Variants in C6orf89 observed in about 807,000 individuals in gnomAD.
The protein encoded by C6orf89 is chromosome 6 open reading frame 89.
A neutral mutation model predicts 40.7 loss-of-function variants in C6orf89; 29 were observed. That is an observed-to-expected ratio of 0.71 (90% CI 0.53 to 0.97). The LOEUF (loss-of-function observed/expected upper bound fraction) is 0.97, where lower values mean the gene tolerates loss of function less well. C6orf89 is among the 50% of genes least tolerant of loss of function. The probability of loss-of-function intolerance (pLI) is 0.00; values close to 1 mark genes in which losing one functional copy is unlikely to be tolerated. For synonymous variants in C6orf89, 165 were observed against 152.2 expected, an observed-to-expected ratio of 1.08 and a Z score of -0.62; for missense variants, 392 against 429.1, an observed-to-expected ratio of 0.91 and a Z score of 0.76.
At chr6:36,872,244 TA>T (rs1261813072) in intron 1 of C6orf89, among the ~76,000 whole-genome samples, 6 of 152,162 alleles carry the variant, frequency 3.9e-5, no homozygotes, top group African/African-American at 1.2e-4. Flanking sequence ...TTTAATTTTT[TA>T]AAAAAAGAGA....
intron 4 of C6orf89, among the ~76,000 whole-genome samples, chr6:36,906,660 C>T (rs912040200): frequency 6.6e-6 from 1 of 152,198 alleles, no homozygotes; most frequent in African/African-American, 2.4e-5. Context: ...TTCTTGGGCT[C>T]TTTCCCTCTA....
chr6:36,921,447 C>T (rs1375654545), intron 8 of C6orf89, among the ~76,000 whole-genome samples: 1 of 152,056 alleles, frequency 6.6e-6, no homozygotes, highest in East Asian at 1.9e-4. Flanking sequence ...GTACATTTTC[C>T]TGTGGAGATG....
Position 36,915,188 on chromosome 6 carries a change from G to A in C6orf89, c.695+495G>A, listed in dbSNP as rs182050925. Among the ~76,000 whole-genome samples, 245 of 152,296 alleles carry A rather than the reference G, an allele frequency of 1.6e-3. 1 individual carries two copies. The highest frequency in any genetic ancestry group is 5.6e-3 in the African/African-American group (233 of 41,552). ...ATGAAGAGGTGTGTCAGAAGGAGGGGTGCCACCATGGGGGGGACAGCAAGT... is the reference window on the plus strand; with the variant it reads ...ATGAAGAGGTGTGTCAGAAGGAGGGATGCCACCATGGGGGGGACAGCAAGT... On this transcript the variant is annotated intron_variant, in intron 6 of 8. Transcript: ENST00000480824.
At chr6:36,906,191 C>A (rs1379636501) in intron 4 of C6orf89, among the ~76,000 whole-genome samples, 1 of 152,202 alleles carries the variant, frequency 6.6e-6, no homozygotes, top group Non-Finnish European at 1.5e-5. Context: ...AATAGCAAAT[C>A]ATTTATTGGC....
At chr6:36,915,280 T>C (rs1762275176) in intron 6 of C6orf89, among the ~76,000 whole-genome samples, 1 of 152,198 alleles carries the variant, frequency 6.6e-6, no homozygotes, top group South Asian at 2.1e-4. Flanking sequence ...TGGGGCCTCA[T>C]GCAGGGGGCT....
intron 2 of C6orf89, among the ~76,000 whole-genome samples, chr6:36,894,905 A>C (rs1390598425): frequency 6.6e-6 from 1 of 152,186 alleles, no homozygotes; most frequent in East Asian, 1.9e-4. Flanking sequence ...CGAGACTCTA[A>C]AATTTGTAGT....
chr6:36,872,205 A>C (rs1210771624), intron 1 of C6orf89, among the ~76,000 whole-genome samples: 2 of 151,992 alleles, frequency 1.3e-5, no homozygotes, highest in Non-Finnish European at 1.5e-5. Context: ...CCAACCCCTA[A>C]ATTAGGAAAA....
intron 4 of C6orf89, among the ~76,000 whole-genome samples, chr6:36,906,792 A>G (rs923304456): frequency 1.3e-5 from 2 of 152,262 alleles, no homozygotes; most frequent in East Asian, 3.8e-4. Flanking sequence ...TGCTATGCAC[A>G]AACAAGCTTC....
At chr6:36,923,231 C>A in intron 8 of C6orf89, 116 bp from the exon 9 acceptor site, 1 of 661,090 alleles carries the variant, frequency 1.5e-6, no homozygotes. Context: ...AAAGATTTGT[C>A]TTTGACTCTG....
upstream of C6orf89, among the ~76,000 whole-genome samples, chr6:36,882,713 C>CTTTT (rs1168220528): frequency 7.1e-4 from 82 of 115,410 alleles, no homozygotes; most frequent in East Asian, 0.011. Context: ...TTGTCATTTT[C>CTTTT]TTTTTTTTTT....
chr6:36,887,118 T>G (rs1219542715), intron 1 of C6orf89, among the ~76,000 whole-genome samples: 1 of 149,994 alleles, frequency 6.7e-6, no homozygotes, highest in African/African-American at 2.5e-5. Context: ...TGCGTTTTTT[T>G]GTTTTTTTTT....
chr6:36,882,754 G>C (rs112969645), upstream of C6orf89, among the ~76,000 whole-genome samples: 2 of 128,640 alleles, frequency 1.6e-5, no homozygotes, highest in Non-Finnish European at 3.2e-5. Context: ...TTTTTGAGAC[G>C]GAGTCTCGCT....
At chr6:36,879,781 T>A (rs1432690149) in intron 2 of C6orf89, among the ~76,000 whole-genome samples, 1 of 152,168 alleles carries the variant, frequency 6.6e-6, no homozygotes, top group Non-Finnish European at 1.5e-5. Flanking sequence ...TTGTTTTATG[T>A]CCTTGGGAAC....
chr6:36,908,405 C>T (rs891844316), intron 4 of C6orf89, among the ~76,000 whole-genome samples: 1 of 152,080 alleles, frequency 6.6e-6, no homozygotes, highest in Non-Finnish European at 1.5e-5. Flanking sequence ...TTGGAAAGTA[C>T]ATAAAATACA....
chr6:36,914,775 A>AGCC lies in C6orf89; in HGVS notation c.695+83_695+85dup, dbSNP rs376275209. ...GAGGCCGAGGCAGGCAGATCACTTG[A>AGCC]GCCTAGGAGTTGCAGACCAGCCTGG... is the stretch of plus-strand genomic sequence containing the variant. On this transcript the variant is annotated intron_variant, in intron 6 of 8. Transcript: ENST00000480824. The AGCC allele has an allele frequency of 4.6e-4, 710 of 1,538,838 alleles. 3 individuals are homozygous for AGCC. In the African/African-American group the frequency reaches 7.5e-3, roughly 16 times the overall value.
At chr6:36,885,578 G>C (rs1561855975), upstream of C6orf89, among the ~76,000 whole-genome samples, 2 of 152,204 alleles carry the variant, frequency 1.3e-5, no homozygotes, top group Non-Finnish European at 2.9e-5. Flanking sequence ...GCTTCCAGAA[G>C]GAAGGGGCTG....
chr6:36,882,300 C>T (rs1264895841), upstream of C6orf89, among the ~76,000 whole-genome samples: 1 of 152,210 alleles, frequency 6.6e-6, no homozygotes, highest in African/African-American at 2.4e-5. Context: ...TCTAGATTAT[C>T]ATGCTAAATA....
At chr6:36,886,489 C>A (rs1774994755) in intron 1 of C6orf89, among the ~76,000 whole-genome samples, 1 of 152,084 alleles carries the variant, frequency 6.6e-6, no homozygotes, top group African/African-American at 2.4e-5. Context: ...AACCTGGCAT[C>A]TTGGATTTCA....
At chr6:36,909,199 A>G (rs1323420508) in intron 4 of C6orf89, among the ~76,000 whole-genome samples, 2 of 124,002 alleles carry the variant, frequency 1.6e-5, no homozygotes, top group Admixed American at 7.9e-5. Flanking sequence ...TTTTTTTGCT[A>G]TTACAAAAAT....
Sources: gnomAD v4.1 joint callset for allele counts (sites outside exome capture counted in the v4.1 genomes callset) on GRCh38, gnomAD v4.1.1 for gene constraint, MANE v1.5 for transcripts, NCBI Gene and HGNC (gene_info 2026-07-23, HGNC 2026-07-21) for gene names.